APC2: variants seen among roughly 807,000 people sequenced by gnomAD.
APC2 encodes adenomatous polyposis coli protein 2.
A neutral mutation model predicts 72.5 loss-of-function variants in APC2; 41 were observed. The observed-to-expected ratio is 0.57, with a 90% CI of 0.44 to 0.73. The LOEUF is 0.73. Ranked by LOEUF, APC2 falls within the 30% of genes least tolerant of loss-of-function variation. The pLI is 0.00. For missense variants in APC2, 3,729 were observed against 3,403.4 expected, an observed-to-expected ratio of 1.10 and a Z score of -2.38; for synonymous variants, 1,898 against 1,612.0, an observed-to-expected ratio of 1.18 and a Z score of -4.25.
chr19:1,471,641 C>T lies in APC2; in HGVS notation c.*1428C>T, dbSNP rs1162179283. ...GCGCTGCCTTCACCCACGGATCTGCCCAGGCTGAAGGCACACGCTCAATGC... is the reference window on the plus strand; with the variant it reads ...GCGCTGCCTTCACCCACGGATCTGCTCAGGCTGAAGGCACACGCTCAATGC... On this transcript the variant is annotated 3_prime_UTR_variant, in exon 15 of 15. Transcript: ENST00000590469. The T allele has an allele frequency of 6.6e-6, 1 of 152,270 alleles. No homozygotes were observed. Among genetic ancestry groups the T allele is most frequent in the Non-Finnish European group, 1.5e-5 (1 of 68,054 alleles). 9.4% of individuals were successfully genotyped at this position (152,270 alleles called of 1,614,324 possible).
rs770732046 is a variant in APC2 at position 1,469,489 on chromosome 19, C to A, written c.6188C>A (p.Ala2063Glu). The A allele has an allele frequency of 1.4e-5, 16 of 1,106,388 alleles. No homozygotes were observed. The South Asian group carries it at 4.7e-4, about 33-fold the overall frequency. 68.5% of individuals were successfully genotyped at this position (1,106,388 alleles called of 1,614,324 possible). The change falls in exon 15 of 15, where the codon GCG becomes GAG. Residue 2063 changes from alanine to glutamate, a missense_variant. Transcript: ENST00000590469. ...GPAPARQRPP[A>E]ARPSPGERPA... is the part of the protein sequence containing the mutation. ...GCCCCGGCCCGGCAGCGGCCCCCCG[C>A]GGCCCGACCCAGCCCTGGCGAGCGC...
At chr19:1,461,931 C>T (rs2083932271) in intron 13 of APC2, 32 bp from the exon 14 acceptor site, 1 of 1,575,500 alleles carries the variant, frequency 6.3e-7, no homozygotes, top group Non-Finnish European at 8.7e-7. Flanking sequence ...CCACTCAGGC[C>T]CTGACCCGCC....
At chr19:1,461,596 T>C (rs1180463880) in intron 13 of APC2, 7 of 316,476 alleles carry the variant, frequency 2.2e-5, no homozygotes, top group Admixed American at 9.4e-5. Context: ...CTCTTGCCTG[T>C]AATCCCAGCA....
In APC2 at chr19:1,470,105, C is replaced by T. The variant is rs749639597; in HGVS notation, c.6804C>T (p.Ala2268=). ...GGCACGGCTCCCCCAGCCGCTCGGC[C>T]CGAGTACCCCCCTTCAACTATGTGC... ...ASRHGSPSRS[A]RVPPFNYVPS... is the part of the protein sequence containing the mutation. Residue 2268 remains alanine (A), a synonymous_variant, in exon 15 of 15, where the codon GCC becomes GCT. Coordinates refer to ENST00000590469, the MANE Select transcript of APC2 (RefSeq NM_005883.3). 95 of 1,605,868 alleles carry T rather than the reference C, an allele frequency of 5.9e-5. 1 individual carries two copies. The South Asian group carries it at 1.0e-3, about 18-fold the overall frequency.
At position 1,466,905 on chromosome 19, in the gene APC2, C is replaced by G; in HGVS notation, c.3604C>G (p.Pro1202Ala). ...CAGCCCTAGCGAGCTGCCCGACAGC[C>G]CCGGACAGACCATGCCTCCCAGCCG... ...TISPSELPDSPGQTMPPSRSK... is the reference protein window; with the variant it reads ...TISPSELPDSAGQTMPPSRSK... Residue 1202 changes from proline (P) to alanine (A), a missense_variant, in exon 15 of 15, where the codon CCC (proline) becomes GCC (alanine). Physicochemically the swap from Pro to Ala is conservative, Grantham distance 27. Coordinates refer to ENST00000590469, the MANE Select transcript of APC2 (RefSeq NM_005883.3). The G allele has an allele frequency of 6.3e-7, 1 of 1,583,828 alleles. No homozygotes were observed. The highest frequency in any genetic ancestry group is 8.6e-7 in the Non-Finnish European group (1 of 1,165,816).
At position 1,457,099 on chromosome 19, in the gene APC2, G is replaced by A. The variant is rs751785909; in HGVS notation, c.1063G>A (p.Val355Ile). The change falls in exon 9 of 15, where the codon GTC becomes ATC. Residue 355 changes from valine to isoleucine, a missense_variant. By Grantham distance (29) the Val-to-Ile change is conservative (BLOSUM62 3). Transcript: ENST00000590469. ...CGCCAACGCGGCGCTGCACAACATC[G>A]TCTTCTCGCAGCCGGACCAGGGCCT... ...MRANAALHNI[V>I]FSQPDQGLAR... 202 of 1,579,232 alleles carry A rather than the reference G, an allele frequency of 1.3e-4. No individual in the cohort carries two copies. Among genetic ancestry groups the A allele is most frequent in the Non-Finnish European group, 1.7e-4 (193 of 1,167,144 alleles).
chr19:1,465,873 G>A lies in APC2; in HGVS notation c.2572G>A (p.Val858Met). The change falls in exon 15 of 15, where the codon GTG becomes ATG. Residue 858 changes from valine (V) to methionine (M), a missense_variant. Coordinates refer to ENST00000590469, the MANE Select transcript of APC2 (RefSeq NM_005883.3). ...ALAVARIDQL[V>M]EDISALHTSS... is the part of the protein sequence containing the mutation. ...TGCAGTGGCGCGCATCGACCAGCTG[G>A]TGGAGGACATCTCCGCCCTGCACAC... 2 of 1,567,362 alleles carry A rather than the reference G, an allele frequency of 1.3e-6. No individual in the cohort carries two copies. Among genetic ancestry groups the A allele is most frequent in the Non-Finnish European group, 1.7e-6 (2 of 1,159,784 alleles).
At position 1,466,612 on chromosome 19, in the gene APC2, G is replaced by A. The variant is rs867784015; in HGVS notation, c.3311G>A (p.Gly1104Asp). 2.6e-6 allele frequency: 4 copies of A among 1,532,972 alleles called. No individual in the cohort carries two copies. The highest frequency in any genetic ancestry group is 1.2e-5 in the South Asian group (1 of 82,152). The allele number at this position is 1,532,972 out of a possible 1,614,324, so 95.0% of individuals were successfully genotyped here. The change falls in exon 15 of 15, where the codon GGC (glycine) becomes GAC (aspartate). Residue 1104 changes from glycine (G) to aspartate (D), a missense_variant. Coordinates refer to ENST00000590469, the MANE Select transcript of APC2 (RefSeq NM_005883.3). ...TCCCTGGAGGGGCTGGAGGAGGCCG[G>A]CCCCAGCGAGGCTGAGCTGGACAGC... ...DSSLEGLEEAGPSEAELDSTW... is the reference protein window; with the variant it reads ...DSSLEGLEEADPSEAELDSTW...
intron 14 of APC2, among the ~76,000 whole-genome samples, chr19:1,464,695 C>T (rs1034105478): frequency 2.8e-5 from 4 of 141,536 alleles, no homozygotes; most frequent in Admixed American, 1.4e-4. Context: ...TGCAGTGGCG[C>T]GATCTCGGCT....
Position 1,460,246 on chromosome 19 carries a change from C to A in APC2, c.1369C>A (p.Pro457Thr), listed in dbSNP as rs375267656. Residue 457 changes from proline to threonine, a missense_variant, in exon 11 of 15, where the codon CCG becomes ACG. Pro to Thr is a conservative substitution (Grantham distance 38, BLOSUM62 -1). Transcript: ENST00000590469. ...DYEMHKMTRDPLNLALRRYAG... is the reference protein window; with the variant it reads ...DYEMHKMTRDTLNLALRRYAG... ...TGAGATGCACAAGATGACCCGGGAC[C>A]CGCTGAACCTGGCGCTGCGCCGCTA... The A allele has an allele frequency of 9.7e-5, 156 of 1,613,466 alleles. No individual in the cohort carries two copies. The highest frequency in any genetic ancestry group is 1.6e-4 in the Middle Eastern group (1 of 6,084).
intron 8 of APC2, 136 bp from the exon 9 acceptor site, chr19:1,456,717 G>A: frequency 1.7e-6 from 2 of 1,164,938 alleles, no homozygotes; most frequent in Non-Finnish European, 2.4e-6. Context: ...CAGCCTCCTA[G>A]CGTCCCCTCA....
In APC2 at chr19:1,465,902, G is replaced by C. The variant is rs780058523; in HGVS notation, c.2601G>C (p.Ser867=). The part of the protein sequence containing the change: ...LVEDISALHT[S]SDDSFSLSSG... Reference sequence around the variant, plus strand: ...AGGACATCTCCGCCCTGCACACCTCGTCCGACGATAGCTTCAGCCTCAGCT... The same window carrying C: ...AGGACATCTCCGCCCTGCACACCTCCTCCGACGATAGCTTCAGCCTCAGCT... Residue 867 remains serine (S), a synonymous_variant, in exon 15 of 15, where the codon TCG becomes TCC. Transcript: ENST00000590469. 13 of 1,577,924 alleles carry C rather than the reference G, an allele frequency of 8.2e-6. No individual in the cohort carries two copies. Among genetic ancestry groups the C allele is most frequent in the African/African-American group, 2.7e-5 (2 of 72,866 alleles).
chr19:1,449,196 C>T (rs1297771756), upstream of APC2, among the ~76,000 whole-genome samples: 10 of 152,258 alleles, frequency 6.6e-5, no homozygotes, highest in African/African-American at 2.4e-4. Flanking sequence ...GGTTGAGCGG[C>T]GAATGATTTG....
chr19:1,456,909 A>G lies in APC2; in HGVS notation c.873A>G (p.Thr291=). 1 of 1,582,258 alleles carries G rather than the reference A, an allele frequency of 6.3e-7. No individual in the cohort carries two copies. The highest frequency in any genetic ancestry group is 1.1e-5 in the South Asian group (1 of 88,166). ...SMLATRDQED[T]ARTLLAMSSS... ...TGGCGACGCGCGACCAGGAGGATAC[A>G]GCGCGCACGCTGCTGGCCATGTCCA... Residue 291 remains threonine (T), a synonymous_variant, in exon 9 of 15, where the codon ACA becomes ACG. Transcript: ENST00000590469.
chr19:1,460,017 G>A (rs1599143854), intron 10 of APC2, among the ~76,000 whole-genome samples, 164 bp from the exon 11 acceptor site: 1 of 152,190 alleles, frequency 6.6e-6, no homozygotes, highest in East Asian at 1.9e-4. Context: ...AGCAGGGTGA[G>A]GCCATACCGG....
Position 1,470,256 on chromosome 19 carries a change from G to C in APC2, c.*43G>C. On this transcript the variant is annotated 3_prime_UTR_variant, in exon 15 of 15. Transcript: ENST00000590469. ...CTGGAACGTTCTCTCCCGGCCCTGCGGCGCGGTCTGGCTGCCCCATGGGCC... is the reference window on the plus strand; with the variant it reads ...CTGGAACGTTCTCTCCCGGCCCTGCCGCGCGGTCTGGCTGCCCCATGGGCC... 6.6e-7 allele frequency: 1 copy of C among 1,518,002 alleles called. No homozygotes were observed. Among genetic ancestry groups the C allele is most frequent in the Non-Finnish European group, 8.8e-7 (1 of 1,135,008 alleles). The allele number at this position is 1,518,002 out of a possible 1,614,324, so 94.0% of individuals were successfully genotyped here.
In APC2 at chr19:1,460,872, G is replaced by A. The variant is rs749255059; in HGVS notation, c.1521+15G>A. The A allele has an allele frequency of 1.9e-6, 3 of 1,612,826 alleles. No homozygotes were observed. Among genetic ancestry groups the A allele is most frequent in the African/African-American group, 2.7e-5 (2 of 74,942 alleles). On this transcript the variant is annotated intron_variant, in intron 12 of 14. Transcript: ENST00000590469. The stretch of plus-strand genomic sequence containing the variant: ...AGCTCCACCAGGTACAGGGCGGGGT[G>A]CTGGGAAAGCCTTCCAGGGTGTCCC...
In APC2 at chr19:1,467,917, G is replaced by A. The variant is rs367655515; in HGVS notation, c.4616G>A (p.Arg1539Gln). ...RTSAIPRAFT[R>Q]ERPQGRKEAP... is the part of the protein sequence containing the mutation. ...TCGGCCATCCCTCGCGCTTTTACGCGGGAGCGTCCGCAGGGCCGGAAGGAG... is the reference window on the plus strand; with the variant it reads ...TCGGCCATCCCTCGCGCTTTTACGCAGGAGCGTCCGCAGGGCCGGAAGGAG... Residue 1539 changes from arginine (R) to glutamine (Q), a missense_variant, in exon 15 of 15, where the codon CGG (arginine) becomes CAG (glutamine). Transcript: ENST00000590469. The A allele has an allele frequency of 2.8e-5, 44 of 1,584,240 alleles. No individual in the cohort carries two copies. The highest frequency in any genetic ancestry group is 3.7e-5 in the Non-Finnish European group (43 of 1,173,660).
In APC2 at chr19:1,466,469, G is replaced by C. The variant is rs1447577154; in HGVS notation, c.3168G>C (p.Gln1056His). 6.3e-7 allele frequency: 1 copy of C among 1,598,180 alleles called. No homozygotes were observed. Among genetic ancestry groups the C allele is most frequent in the Admixed American group, 1.7e-5 (1 of 59,932 alleles). The change falls in exon 15 of 15, where the codon CAG (glutamine) becomes CAC (histidine). Residue 1056 changes from glutamine to histidine, a missense_variant. Coordinates refer to ENST00000590469, the MANE Select transcript of APC2 (RefSeq NM_005883.3). The stretch of plus-strand genomic sequence containing the variant: ...TGTCTGTGGCCAGCAAGGCACTGCA[G>C]AAACTGGCGGCGCAAGAGGGGCCAC... Reference protein sequence around the residue: ...APLSVASKALQKLAAQEGPLS... With the variant: ...APLSVASKALHKLAAQEGPLS...
Sources: allele counts gnomAD v4.1 joint callset (sites outside exome capture counted in the v4.1 genomes callset), GRCh38; gene constraint gnomAD v4.1.1; transcripts MANE v1.5; gene names NCBI Gene and HGNC (gene_info 2026-07-23, HGNC 2026-07-21).